MICU1: variants seen among roughly 807,000 people sequenced by gnomAD.
MICU1 encodes the protein calcium uptake protein 1, mitochondrial.
In MICU1, 45 loss-of-function variants were observed where a neutral mutation model predicts 56.8. The observed-to-expected ratio is 0.79, with a 90% CI of 0.62 to 1.02. The LOEUF is 1.02. Ranked by LOEUF, MICU1 falls within the 50% of genes least tolerant of loss-of-function variation. The pLI is 0.00. For missense variants in MICU1, 504 were observed against 587.1 expected, an observed-to-expected ratio of 0.86 and a Z score of 1.46; for synonymous variants, 186 against 195.1, an observed-to-expected ratio of 0.95 and a Z score of 0.39.
intron 10 of MICU1, among the ~76,000 whole-genome samples, chr10:72,396,625 C>T (rs1475198893): frequency 6.6e-6 from 1 of 152,150 alleles, no homozygotes; most frequent in African/African-American, 2.4e-5. Context: ...GGCATGAGAA[C>T]TTCATGACGC....
chr10:72,492,887 C>T (rs540985799), intron 6 of MICU1, among the ~76,000 whole-genome samples: 7 of 152,012 alleles, frequency 4.6e-5, no homozygotes, highest in East Asian at 1.9e-4. Context: ...GAGGCCGAGG[C>T]GAGTGGATCA....
intron 9 of MICU1, among the ~76,000 whole-genome samples, chr10:72,417,583 T>C (rs1864024764): frequency 1.3e-5 from 2 of 152,244 alleles, no homozygotes. Context: ...AATTTCATCC[T>C]TAAGAAGTTA....
At chr10:72,588,358 T>C (rs1841124608) in intron 1 of MICU1, among the ~76,000 whole-genome samples, 1 of 151,774 alleles carries the variant, frequency 6.6e-6, no homozygotes, top group Non-Finnish European at 1.5e-5. Context: ...AAGAATGGAC[T>C]AATAGAGTGT....
intron 1 of MICU1, among the ~76,000 whole-genome samples, chr10:72,578,199 C>T (rs1416850965): frequency 6.6e-6 from 1 of 152,104 alleles, no homozygotes; most frequent in Non-Finnish European, 1.5e-5. Context: ...GCAAGACCCT[C>T]TATCAGCAAA....
intron 10 of MICU1, among the ~76,000 whole-genome samples, chr10:72,403,089 G>A (rs1244323301): frequency 6.6e-6 from 1 of 152,060 alleles, no homozygotes; most frequent in East Asian, 1.9e-4. Context: ...ATAAAAACTT[G>A]AGCTGGGGCC....
At chr10:72,509,066 C>T (rs972255342) in intron 5 of MICU1, among the ~76,000 whole-genome samples, 4 of 152,108 alleles carry the variant, frequency 2.6e-5, no homozygotes, top group African/African-American at 9.7e-5. Context: ...TTTAAACAAA[C>T]TTACTCTGTT....
intron 3 of MICU1, among the ~76,000 whole-genome samples, chr10:72,555,821 G>T (rs1046056755): frequency 6.6e-6 from 1 of 152,186 alleles, no homozygotes; most frequent in Non-Finnish European, 1.5e-5. Context: ...TTTCAGTTGG[G>T]TTACAAATTA....
intron 8 of MICU1, among the ~76,000 whole-genome samples, chr10:72,427,715 C>T (rs1474309697): frequency 2.0e-5 from 3 of 146,410 alleles, no homozygotes; most frequent in African/African-American, 7.6e-5. Flanking sequence ...GCTTCAGCAT[C>T]ATAGACCCCA....
At chr10:72,610,256 C>A in intron 1 of MICU1, among the ~76,000 whole-genome samples, 1 of 90,230 alleles carries the variant, frequency 1.1e-5, no homozygotes, top group African/African-American at 5.0e-5. Context: ...GTGACATACT[C>A]TCCAAAAAAA....
intron 10 of MICU1, among the ~76,000 whole-genome samples, chr10:72,377,120 ATCTT>A (rs1057312547): frequency 3.0e-4 from 36 of 118,120 alleles, no homozygotes; most frequent in African/African-American, 9.8e-4. Context: ...CAGGATGCGT[ATCTT>A]TCTTTTTTTT....
intron 5 of MICU1, among the ~76,000 whole-genome samples, chr10:72,515,330 A>G (rs747972355): frequency 4.6e-5 from 7 of 152,122 alleles, no homozygotes; most frequent in East Asian, 1.9e-4. Context: ...TGGCAGCTTA[A>G]TTTTTGGTTT....
intron 1 of MICU1, among the ~76,000 whole-genome samples, chr10:72,591,264 C>T (rs990529577): frequency 7.2e-5 from 11 of 151,924 alleles, no homozygotes; most frequent in African/African-American, 2.7e-4. Context: ...AAAATGAGTA[C>T]ATTAAAAGCA....
intron 4 of MICU1, among the ~76,000 whole-genome samples, chr10:72,539,230 G>T (rs1301690580): frequency 6.6e-6 from 1 of 152,050 alleles, no homozygotes; most frequent in African/African-American, 2.4e-5. Context: ...CTGTACTCTG[G>T]ACCAAATGGA....
chr10:72,616,721 A>T (rs1841992298), intron 1 of MICU1, among the ~76,000 whole-genome samples: 1 of 151,328 alleles, frequency 6.6e-6, no homozygotes, highest in South Asian at 2.1e-4. Flanking sequence ...TCAAGTGATT[A>T]TCTTCCTAGC....
intron 6 of MICU1, among the ~76,000 whole-genome samples, chr10:72,499,136 T>C (rs1292123101): frequency 1.3e-5 from 2 of 152,192 alleles, no homozygotes; most frequent in African/African-American, 4.8e-5. Flanking sequence ...TCAAAATACA[T>C]TTAGATCTTA....
At chr10:72,511,516 C>T (rs781680735) in intron 5 of MICU1, among the ~76,000 whole-genome samples, 3 of 152,180 alleles carry the variant, frequency 2.0e-5, no homozygotes, top group South Asian at 4.1e-4. Flanking sequence ...AATGTATAAA[C>T]GCCTATCACT....
chr10:72,606,959 C>T (rs1841706767), intron 1 of MICU1, among the ~76,000 whole-genome samples: 1 of 152,174 alleles, frequency 6.6e-6, no homozygotes, highest in African/African-American at 2.4e-5. Context: ...CTCATGAAGG[C>T]ATAAGGAGCC....
intron 9 of MICU1, among the ~76,000 whole-genome samples, chr10:72,422,985 C>CCAAAA (rs1864227068): frequency 6.6e-6 from 1 of 151,820 alleles, no homozygotes. Flanking sequence ...ACCGGTCTCT[C>CCAAAA]CTTTAAAATT....
At chr10:72,622,014 C>G (rs982579652) in intron 1 of MICU1, among the ~76,000 whole-genome samples, 1 of 152,096 alleles carries the variant, frequency 6.6e-6, no homozygotes, top group Non-Finnish European at 1.5e-5. Context: ...CCCAGGTTCA[C>G]GCCATTCTCC....
Sources: allele counts gnomAD v4.1 joint callset (sites outside exome capture counted in the v4.1 genomes callset), GRCh38; gene constraint gnomAD v4.1.1; transcripts MANE v1.5; gene names NCBI Gene and HGNC (gene_info 2026-07-23, HGNC 2026-07-21).